Variants in EXT1 observed in about 807,000 individuals in gnomAD.
The protein encoded by EXT1 is exostosin-1.
In EXT1, 20 loss-of-function variants were observed where a neutral mutation model predicts 82.5. The observed-to-expected ratio is 0.24, with a 90% CI of 0.17 to 0.35. The LOEUF (loss-of-function observed/expected upper bound fraction) is 0.35. Ranked by LOEUF, EXT1 falls within the 10% of genes least tolerant of loss-of-function variation. EXT1 has a pLI of 1.00. For synonymous variants in EXT1, 348 were observed against 350.8 expected (o/e 0.99, Z 0.09); for missense variants, 757 against 936.5 (o/e 0.81, Z 2.50).
chr8:118,100,394 A>G (rs1817696947), intron 1 of EXT1, among the ~76,000 whole-genome samples: 1 of 152,190 alleles, frequency 6.6e-6, no homozygotes, highest in Non-Finnish European at 1.5e-5. Context: ...GCTTCCCAGT[A>G]GCTGAGCTCC....
At chr8:117,810,649 T>C (rs1239189192) in intron 8 of EXT1, among the ~76,000 whole-genome samples, 5 of 152,176 alleles carry the variant, frequency 3.3e-5, no homozygotes, top group African/African-American at 4.8e-5. Context: ...CTTCAGGTCA[T>C]AGGATGATGA....
chr8:117,914,024 G>C (rs921771616), intron 1 of EXT1, among the ~76,000 whole-genome samples: 16 of 152,166 alleles, frequency 1.1e-4, no homozygotes, highest in African/African-American at 3.1e-4. Flanking sequence ...AGAAGAGTCA[G>C]CATATCCTAC....
intron 1 of EXT1, among the ~76,000 whole-genome samples, chr8:118,082,496 T>A (rs993433346): frequency 5.3e-5 from 8 of 152,218 alleles, no homozygotes; most frequent in Non-Finnish European, 1.2e-4. Context: ...CTTTCTGTTC[T>A]TTCCCCATCA....
intron 1 of EXT1, among the ~76,000 whole-genome samples, chr8:118,071,217 GAATA>G (rs1817085053): frequency 6.6e-6 from 1 of 152,208 alleles, no homozygotes; most frequent in African/African-American, 2.4e-5. Context: ...CCTTAGGACT[GAATA>G]AATAATTGAA....
chr8:117,975,848 T>C (rs1171892098), intron 1 of EXT1, among the ~76,000 whole-genome samples: 1 of 152,238 alleles, frequency 6.6e-6, no homozygotes, highest in African/African-American at 2.4e-5. Context: ...TCTGACATAC[T>C]TGTCATCTGC....
At position 118,068,122 on chromosome 8, in the gene EXT1, G is replaced by A. The variant is rs575508950; in HGVS notation, c.962+41963C>T. 2.2e-3 allele frequency among the ~76,000 whole-genome samples: 337 copies of A among 152,288 alleles called. 1 individual carries two copies. The highest frequency in any genetic ancestry group is 0.012 in the South Asian group (59 of 4,824). On this transcript the variant is annotated intron_variant, in intron 1 of 10. Transcript: ENST00000378204. ...TTATTATTCTCATTTTTACTGCTAAGCAGGTTGGTTCGGCAAAGCTGTGTG... is the reference window on the plus strand; with the variant it reads ...TTATTATTCTCATTTTTACTGCTAAACAGGTTGGTTCGGCAAAGCTGTGTG...
chr8:117,960,487 C>CTG (rs2051485432), intron 1 of EXT1, among the ~76,000 whole-genome samples: 1 of 152,150 alleles, frequency 6.6e-6, no homozygotes, highest in African/African-American at 2.4e-5. Flanking sequence ...CACCATCACC[C>CTG]TGTCTTAGAG....
chr8:118,074,855 G>A (rs957674075), intron 1 of EXT1, among the ~76,000 whole-genome samples: 29 of 152,320 alleles, frequency 1.9e-4, no homozygotes, highest in Non-Finnish European at 4.1e-4. Context: ...AGATGGATGA[G>A]GGTCACAGCT....
intron 1 of EXT1, among the ~76,000 whole-genome samples, chr8:118,043,333 T>C (rs11562698): frequency 0.1 from 15,667 of 152,192 alleles, 2,257 homozygotes; most frequent in African/African-American, 0.32. Context: ...ACTTTATTCA[T>C]CAAAATCCAA....
At chr8:118,010,328 C>T (rs565243712) in intron 1 of EXT1, among the ~76,000 whole-genome samples, 3 of 147,920 alleles carry the variant, frequency 2.0e-5, no homozygotes, top group Admixed American at 6.8e-5. Context: ...GCTGAGATTG[C>T]GCCACTGCAC....
intron 1 of EXT1, among the ~76,000 whole-genome samples, chr8:117,844,805 C>T (rs972082829): frequency 1.3e-5 from 2 of 152,108 alleles, no homozygotes; most frequent in African/African-American, 4.8e-5. Flanking sequence ...AGGTTGGCTG[C>T]AGCTTCAGGG....
intron 1 of EXT1, among the ~76,000 whole-genome samples, chr8:117,957,259 A>G (rs577854677): frequency 2.2e-4 from 33 of 152,316 alleles, no homozygotes; most frequent in African/African-American, 7.7e-4. Context: ...ATATTTTTGG[A>G]AGACTGCTAA....
chr8:117,815,195 C>A (rs1811783472), intron 7 of EXT1, among the ~76,000 whole-genome samples: 2 of 152,198 alleles, frequency 1.3e-5, no homozygotes, highest in South Asian at 4.1e-4. Flanking sequence ...CTTAGCACTG[C>A]CCTGACCTTT....
intron 1 of EXT1, among the ~76,000 whole-genome samples, chr8:117,949,052 A>G (rs1586303666): frequency 6.6e-6 from 1 of 152,142 alleles, no homozygotes. Flanking sequence ...TGAATTTTAA[A>G]TGTTGTCTAA....
chr8:117,906,369 A>G (rs1813544134), intron 1 of EXT1, among the ~76,000 whole-genome samples: 6 of 152,356 alleles, frequency 3.9e-5, no homozygotes, highest in Admixed American at 3.3e-4. Context: ...AATAATGATA[A>G]TAAGACTGAT....
intron 1 of EXT1, among the ~76,000 whole-genome samples, chr8:118,000,238 A>G (rs1458438535): frequency 6.6e-6 from 1 of 152,250 alleles, no homozygotes; most frequent in Admixed American, 6.5e-5. Flanking sequence ...GGGCATCAGC[A>G]TTAGGAAACA....
At chr8:118,048,632 C>T (rs1030853003) in intron 1 of EXT1, among the ~76,000 whole-genome samples, 5 of 152,050 alleles carry the variant, frequency 3.3e-5, no homozygotes, top group Admixed American at 6.6e-5. Flanking sequence ...GAGCAAGATC[C>T]CTGGAGAAAT....
chr8:117,841,083 A>G (rs1377217157), intron 1 of EXT1, among the ~76,000 whole-genome samples: 1 of 152,210 alleles, frequency 6.6e-6, no homozygotes, highest in Non-Finnish European at 1.5e-5. Flanking sequence ...TCCCAGAGAA[A>G]TGGAAACTTA....
chr8:118,030,166 A>C (rs1054569189), intron 1 of EXT1, among the ~76,000 whole-genome samples: 3 of 152,076 alleles, frequency 2.0e-5, no homozygotes, highest in African/African-American at 7.2e-5. Flanking sequence ...CCTCAAATAA[A>C]ATAACCACAG....
Sources: gnomAD v4.1 joint callset for allele counts (sites outside exome capture counted in the v4.1 genomes callset) on GRCh38, gnomAD v4.1.1 for gene constraint, MANE v1.5 for transcripts, NCBI Gene and HGNC (gene_info 2026-07-23, HGNC 2026-07-21) for gene names.